Variants in SIPA1L1 observed in about 807,000 individuals in gnomAD.
SIPA1L1 encodes signal-induced proliferation-associated 1-like protein 1.
Under a neutral mutation model 162.7 loss-of-function variants are expected in SIPA1L1, and 26 were observed. That is an observed-to-expected ratio of 0.16 (90% CI 0.12 to 0.22). SIPA1L1 has a LOEUF of 0.22. SIPA1L1 is among the 10% of genes least tolerant of loss of function. SIPA1L1 has a pLI of 1.00. For missense variants in SIPA1L1, 1,874 were observed against 2,241.0 expected (o/e 0.84, Z 3.31); for synonymous variants, 829 against 837.4 (o/e 0.99, Z 0.17).
chr14:71,588,489 A>G lies in SIPA1L1; in HGVS notation c.617A>G (p.Tyr206Cys). ...YKTGPSLHRE[Y>C]GSTSSIDKQG... Reference sequence around the variant, plus strand: ...ACTGGACCATCACTGCACAGGGAATATGGTAGCACATCTTCAATTGATAAA... The same window carrying G: ...ACTGGACCATCACTGCACAGGGAATGTGGTAGCACATCTTCAATTGATAAA... Residue 206 changes from tyrosine (Y) to cysteine (C), a missense_variant, in exon 5 of 24, where the codon TAT becomes TGT. Physicochemically the swap from Tyr to Cys is radical, Grantham distance 194. Coordinates refer to ENST00000381232, the MANE Select transcript of SIPA1L1 (RefSeq NM_001386936.1). The surrounding 1 kb of genome is among the most constrained non-coding windows in gnomAD (Gnocchi z 4.3). 1 of 1,614,182 alleles carries G rather than the reference A, an allele frequency of 6.2e-7. No homozygotes were observed. Among genetic ancestry groups the G allele is most frequent in the Non-Finnish European group, 8.5e-7 (1 of 1,179,990 alleles).
chr14:71,484,367 T>C (rs920587983), intron 2 of SIPA1L1, among the ~76,000 whole-genome samples: 3 of 151,852 alleles, frequency 2.0e-5, no homozygotes, highest in African/African-American at 7.2e-5. Context: ...GTAATCTAGC[T>C]ACTTAAATAT....
chr14:71,541,109 T>A (rs1262756285), intron 4 of SIPA1L1, among the ~76,000 whole-genome samples: 1 of 151,636 alleles, frequency 6.6e-6, no homozygotes, highest in East Asian at 1.9e-4. Context: ...AGAGCGAAAC[T>A]CCATCTTTAA....
chr14:71,543,987 A>T (rs2054793658), intron 4 of SIPA1L1, among the ~76,000 whole-genome samples: 1 of 149,688 alleles, frequency 6.7e-6, no homozygotes, highest in African/African-American at 2.5e-5. Context: ...ACGCACATGT[A>T]TATATACACA....
At chr14:71,689,077 A>G (rs1030137940) in intron 13 of SIPA1L1, among the ~76,000 whole-genome samples, 2 of 152,224 alleles carry the variant, frequency 1.3e-5, no homozygotes, top group Non-Finnish European at 2.9e-5. Flanking sequence ...ATTTGTATGT[A>G]GTATCCCAGA....
intron 11 of SIPA1L1, 62 bp downstream of exon 11, chr14:71,671,754 C>T: frequency 7.8e-7 from 1 of 1,287,220 alleles, no homozygotes; most frequent in Non-Finnish European, 1.1e-6. Flanking sequence ...TCAATACAGA[C>T]TAGAGCCAAG....
chr14:71,381,485 G>T (rs1344171935), intron 2 of SIPA1L1, among the ~76,000 whole-genome samples: 1 of 152,016 alleles, frequency 6.6e-6, no homozygotes, highest in Non-Finnish European at 1.5e-5. Context: ...AATGGTGATG[G>T]GTATATTAAA....
At chr14:71,609,780 G>A (rs748555466) in intron 5 of SIPA1L1, among the ~76,000 whole-genome samples, 3 of 151,888 alleles carry the variant, frequency 2.0e-5, no homozygotes, top group Admixed American at 1.3e-4. Context: ...TCTTTGTAGT[G>A]ATGGTGTCTC....
chr14:71,659,724 GGATT>G (rs1376892810), intron 9 of SIPA1L1, among the ~76,000 whole-genome samples: 6 of 152,144 alleles, frequency 3.9e-5, no homozygotes, highest in African/African-American at 1.4e-4. Flanking sequence ...TAACAAGATT[GGATT>G]GATTATTTGT....
At chr14:71,341,512 T>A (rs2035650794) in intron 2 of SIPA1L1, among the ~76,000 whole-genome samples, 1 of 152,148 alleles carries the variant, frequency 6.6e-6, no homozygotes, top group South Asian at 2.1e-4. Flanking sequence ...CTCCCCAACT[T>A]TTGTTTTAGA....
intron 4 of SIPA1L1, among the ~76,000 whole-genome samples, chr14:71,564,478 G>A (rs2029880690): frequency 2.2e-5 from 1 of 46,080 alleles, no homozygotes; most frequent in Non-Finnish European, 3.7e-5. Context: ...TCTTATCCTC[G>A]GCATTTTCTT....
intron 2 of SIPA1L1, chr14:71,321,382 C>T (rs2032907386): frequency 6.6e-6 from 1 of 152,434 alleles, no homozygotes; most frequent in Middle Eastern, 3.4e-3. Context: ...GCGCCCGGCG[C>T]GCGCGCACGC....
chr14:71,414,366 G>A (rs966898043), intron 2 of SIPA1L1, among the ~76,000 whole-genome samples: 4 of 152,090 alleles, frequency 2.6e-5, no homozygotes, highest in Non-Finnish European at 4.4e-5. Context: ...GGGACAGGGC[G>A]AGACTCCATC....
At chr14:71,360,591 G>A (rs773309624) in intron 2 of SIPA1L1, among the ~76,000 whole-genome samples, 2 of 152,298 alleles carry the variant, frequency 1.3e-5, no homozygotes, top group East Asian at 1.9e-4. Context: ...CAAAAGTCAC[G>A]CAGTTATTTC....
chr14:71,453,887 G>A (rs1353727041), intron 2 of SIPA1L1, among the ~76,000 whole-genome samples: 3 of 150,836 alleles, frequency 2.0e-5, no homozygotes, highest in East Asian at 2.0e-4. Context: ...CCATCTACTC[G>A]GTAGGCTGAG....
chr14:71,325,799 T>C (rs955319447), intron 2 of SIPA1L1, among the ~76,000 whole-genome samples: 1 of 152,194 alleles, frequency 6.6e-6, no homozygotes, highest in African/African-American at 2.4e-5. Context: ...TCCAATTTGT[T>C]GCTTGTCATG....
At position 71,465,074 on chromosome 14, in the gene SIPA1L1, C is replaced by T. The variant is rs561029251; in HGVS notation, c.-464-47669C>T. Among the ~76,000 whole-genome samples the T allele has an allele frequency of 5.9e-5, 9 of 152,214 alleles. No individual in the cohort carries two copies. In the South Asian group the frequency reaches 6.2e-4, roughly 11 times the overall value. ...GCATGGGTCCAGGTGGGGATGTTGCCGCTACTGGAGATGGGGAAGCTGTTG... is the reference window on the plus strand; with the variant it reads ...GCATGGGTCCAGGTGGGGATGTTGCTGCTACTGGAGATGGGGAAGCTGTTG... On this transcript the variant is annotated intron_variant, in intron 2 of 23. Transcript: ENST00000381232.
chr14:71,594,689 A>G (rs1293821662), intron 5 of SIPA1L1, among the ~76,000 whole-genome samples: 1 of 152,218 alleles, frequency 6.6e-6, no homozygotes, highest in Non-Finnish European at 1.5e-5. Flanking sequence ...TTTTATACAT[A>G]TATAATAATT....
intron 2 of SIPA1L1, among the ~76,000 whole-genome samples, chr14:71,510,263 G>C (rs991947026): frequency 4.5e-5 from 6 of 134,432 alleles, no homozygotes; most frequent in Non-Finnish European, 9.1e-5. Context: ...CTTGGCTCAC[G>C]GCAACCTCTG....
At chr14:71,469,002 C>T (rs569319584) in intron 2 of SIPA1L1, among the ~76,000 whole-genome samples, 1 of 151,720 alleles carries the variant, frequency 6.6e-6, no homozygotes, top group African/African-American at 2.4e-5. Context: ...GTACTCCAGC[C>T]CAGTTCCCTT....
Sources: gnomAD v4.1 joint callset for allele counts (sites outside exome capture counted in the v4.1 genomes callset) on GRCh38, gnomAD v4.1.1 for gene constraint, Gnocchi (gnomAD v3.1) non-coding constraint, MANE v1.5 for transcripts, NCBI Gene and HGNC (gene_info 2026-07-23, HGNC 2026-07-21) for gene names.